TDP2: variants seen among roughly 807,000 people sequenced by gnomAD.
The protein encoded by TDP2 is tyrosyl-DNA phosphodiesterase 2.
A neutral mutation model predicts 42.8 loss-of-function variants in TDP2; 38 were observed. The observed-to-expected ratio is 0.89, with a 90% CI of 0.68 to 1.16. The LOEUF is 1.16. Among genes scored for constraint, TDP2 ranks in the 50% most tolerant of loss-of-function variants. The pLI is 0.00. For synonymous variants in TDP2, 173 were observed against 150.6 expected (o/e 1.15, Z -1.09); for missense variants, 439 against 439.3 (o/e 1.00, Z 0.01).
chr6:24,666,358 C>T, intron 2 of TDP2, 168 bp downstream of exon 2: 1 of 1,444,612 alleles, frequency 6.9e-7, no homozygotes, highest in Non-Finnish European at 9.4e-7. Flanking sequence ...TGCTGGGGCG[C>T]AACTCCGCGC....
At position 24,658,778 on chromosome 6, in the gene TDP2, A is replaced by C. The variant is rs187053671; in HGVS notation, c.252-44T>G. On this transcript the variant is annotated intron_variant, in intron 2 of 6. Coordinates refer to ENST00000378198, the MANE Select transcript of TDP2 (RefSeq NM_016614.3). ...AACATGGCTTTGCAAATAATCTATA[A>C]ATTGATTAAGAATTATTTTGTATTT... 2.3e-4 allele frequency: 361 copies of C among 1,556,574 alleles called. 2 individuals are homozygous for C. In the Admixed American group the frequency reaches 3.9e-3, roughly 17 times the overall value.
intron 2 of TDP2, chr6:24,666,088 G>T (rs546632773): frequency 5.2e-6 from 8 of 1,536,646 alleles, no homozygotes; most frequent in Non-Finnish European, 7.0e-6. Flanking sequence ...GAGTAGGTGT[G>T]CATTAAAAAA....
intron 5 of TDP2, among the ~76,000 whole-genome samples, 188 bp downstream of exon 5, chr6:24,654,224 G>A (rs956622438): frequency 2.6e-5 from 4 of 152,098 alleles, no homozygotes; most frequent in African/African-American, 9.7e-5. Context: ...ACAATAGACT[G>A]AGAATTCTAT....
At chr6:24,656,142 A>G (rs968835571) in intron 4 of TDP2, among the ~76,000 whole-genome samples, 4 of 152,190 alleles carry the variant, frequency 2.6e-5, no homozygotes, top group African/African-American at 9.7e-5. Flanking sequence ...CAAACAAAAA[A>G]CTAACAAAAA....
chr6:24,655,164 C>A (rs1480173403), intron 4 of TDP2, among the ~76,000 whole-genome samples: 1 of 152,064 alleles, frequency 6.6e-6, no homozygotes. Flanking sequence ...TGAACTGTGG[C>A]CAGCTGATAG....
chr6:24,659,504 T>C (rs1297914254), intron 2 of TDP2, among the ~76,000 whole-genome samples: 4 of 152,206 alleles, frequency 2.6e-5, no homozygotes, highest in African/African-American at 9.6e-5. Context: ...CGTAGATAGA[T>C]TCTTACTGTA....
rs1232978071 is a variant in TDP2, at chr6:24,659,025, A to G, written c.252-291T>C. ...TATGGGTAGGATCTCTGACATCAGA[A>G]TCATAAGGCTTTTGTTTAAGCATTG... On this transcript the variant is annotated intron_variant, in intron 2 of 6. Coordinates refer to ENST00000378198, the MANE Select transcript of TDP2 (RefSeq NM_016614.3). The G allele has an allele frequency of 4.2e-5, 11 of 259,564 alleles. No homozygotes were observed. The East Asian group carries it at 7.8e-4, about 18-fold the overall frequency. The allele number at this position is 259,564 out of a possible 1,614,324, so 16.1% of individuals were successfully genotyped here.
At chr6:24,654,647 T>C in intron 4 of TDP2, 117 bp from the exon 5 acceptor site, 1 of 619,324 alleles carries the variant, frequency 1.6e-6, no homozygotes, top group South Asian at 1.9e-5. Context: ...TTTACATGGA[T>C]CTAAATCTTT....
chr6:24,666,510 T>G lies in TDP2; in HGVS notation c.251+16A>C. 6.2e-7 allele frequency: 1 copy of G among 1,612,762 alleles called. No homozygotes were observed. Among genetic ancestry groups the G allele is most frequent in the Non-Finnish European group, 8.5e-7 (1 of 1,178,858 alleles). On this transcript the variant is annotated intron_variant, in intron 2 of 6. Transcript: ENST00000378198. ...TGCCTCCGTGCGGACTGGCTCCCGC[T>G]CCCCTCATCACTTACTAGGTCTTGG...
intron 4 of TDP2, among the ~76,000 whole-genome samples, chr6:24,656,055 A>T (rs1736025201): frequency 6.6e-6 from 1 of 152,236 alleles, no homozygotes; most frequent in Non-Finnish European, 1.5e-5. Context: ...GACATGATGG[A>T]TACTGACATA....
At chr6:24,655,606 T>G (rs1778049564) in intron 4 of TDP2, among the ~76,000 whole-genome samples, 1 of 152,054 alleles carries the variant, frequency 6.6e-6, no homozygotes, top group African/African-American at 2.4e-5. Context: ...AGAACTAAAT[T>G]TTAGAGGCTC....
chr6:24,651,168 AATT>A, intron 6 of TDP2, 99 bp from the exon 7 acceptor site: 1 of 935,424 alleles, frequency 1.1e-6, no homozygotes. Context: ...CCGTGCAAGA[AATT>A]ATTAATGCAG....
At chr6:24,654,811 T>G (rs533612063) in intron 4 of TDP2, among the ~76,000 whole-genome samples, 1 of 152,188 alleles carries the variant, frequency 6.6e-6, no homozygotes, top group East Asian at 1.9e-4. Flanking sequence ...GAGGTCGAGG[T>G]GGGCGGATCA....
chr6:24,653,148 G>A lies in TDP2; in HGVS notation c.642C>T (p.Asn214=), dbSNP rs1129644. ...TAAGGCAAAGCTCATTTCCTGACACGTTCACCTGCAGCAGGACAAACAGTC... is the reference window on the plus strand; with the variant it reads ...TAAGGCAAAGCTCATTTCCTGACACATTCACCTGCAGCAGGACAAACAGTC... ...MMRNLLCVHV[N]VSGNELCLMT... is the part of the protein sequence containing the mutation. The change falls in exon 6 of 7, where the codon AAC becomes AAT. Residue 214 remains asparagine (N), a synonymous_variant. Coordinates refer to ENST00000378198, the MANE Select transcript of TDP2 (RefSeq NM_016614.3). The A allele has an allele frequency of 0.71, 1,152,513 of 1,613,100 alleles. 415,311 individuals carry two copies. The highest frequency in any genetic ancestry group is 0.91 in the African/African-American group (68,258 of 74,990).
At chr6:24,653,212 T>C (rs1778001968) in intron 5 of TDP2, 59 bp from the exon 6 acceptor site, 5 of 1,533,638 alleles carry the variant, frequency 3.3e-6, no homozygotes, top group African/African-American at 2.8e-5. Flanking sequence ...TGAACTTTAA[T>C]AATAAAATCA....
At chr6:24,655,874 T>A (rs1778053992) in intron 4 of TDP2, among the ~76,000 whole-genome samples, 1 of 152,210 alleles carries the variant, frequency 6.6e-6, no homozygotes, top group Admixed American at 6.5e-5. Flanking sequence ...TGGGTCTCCC[T>A]CAAATGAATA....
chr6:24,652,866 C>T, intron 6 of TDP2, 117 bp downstream of exon 6: 1 of 1,144,224 alleles, frequency 8.7e-7, no homozygotes, highest in Non-Finnish European at 1.3e-6. Flanking sequence ...TGCAAGGTCA[C>T]TTAAGACATT....
At chr6:24,662,481 G>C (rs1479740895) in intron 2 of TDP2, among the ~76,000 whole-genome samples, 5 of 152,086 alleles carry the variant, frequency 3.3e-5, no homozygotes, top group African/African-American at 1.2e-4. Context: ...TGGCCTACGT[G>C]CATATCCAGA....
At chr6:24,658,461 G>T in intron 3 of TDP2, 100 bp downstream of exon 3, 1 of 893,268 alleles carries the variant, frequency 1.1e-6, no homozygotes, top group Non-Finnish European at 1.6e-6. Context: ...CTCAGAGCTG[G>T]ACATTGAACT....
Sources: gnomAD v4.1 joint callset for allele counts (sites outside exome capture counted in the v4.1 genomes callset) on GRCh38, gnomAD v4.1.1 for gene constraint, MANE v1.5 for transcripts, NCBI Gene and HGNC (gene_info 2026-07-23, HGNC 2026-07-21) for gene names.